AKNA: variants seen among roughly 807,000 people sequenced by gnomAD.
The protein encoded by AKNA is microtubule organization protein AKNA.
AKNA carries 67 observed loss-of-function variants against 138.8 expected under a neutral mutation model. That is an observed-to-expected ratio of 0.48 (90% CI 0.40 to 0.59). The LOEUF (loss-of-function observed/expected upper bound fraction) is 0.59, where lower values mean the gene tolerates loss of function less well. AKNA is among the 20% of genes least tolerant of loss of function. The pLI is 0.00. For missense variants in AKNA, 1,813 were observed against 1,880.4 expected, an observed-to-expected ratio of 0.96 and a Z score of 0.66; for synonymous variants, 737 against 754.4, an observed-to-expected ratio of 0.98 and a Z score of 0.38.
At position 114,377,173 on chromosome 9, in the gene AKNA, T is replaced by C. The variant is rs749738624; in HGVS notation, c.634A>G (p.Ser212Gly). 1 of 1,614,168 alleles carries C rather than the reference T, an allele frequency of 6.2e-7. No homozygotes were observed. The highest frequency in any genetic ancestry group is 8.5e-7 in the Non-Finnish European group (1 of 1,180,014). The change falls in exon 3 of 22, where the codon AGT becomes GGT. Residue 212 changes from serine (S) to glycine (G), a missense_variant. Coordinates refer to ENST00000374088, the MANE Select transcript of AKNA (RefSeq NM_001317950.2). The stretch of plus-strand genomic sequence containing the variant: ...TCCCAGGTAGAATCAAGGCTGTCAC[T>C]AGGGTGGTCGAGGCTCACTGTCCCA... ...SSGTVSLDHP[S>G]DSLDSTWEGE...
At chr9:114,386,881 G>A (rs1266939220) in intron 1 of AKNA, among the ~76,000 whole-genome samples, 2 of 151,906 alleles carry the variant, frequency 1.3e-5, no homozygotes, top group South Asian at 2.1e-4. Flanking sequence ...GCACAGCTAC[G>A]CAGCCCGCAC....
At chr9:114,352,571 TG>T (rs894123029) in intron 14 of AKNA, among the ~76,000 whole-genome samples, 16 of 151,278 alleles carry the variant, frequency 1.1e-4, no homozygotes, top group African/African-American at 3.9e-4. Flanking sequence ...CATACCAGCC[TG>T]GGGGACAGAG....
chr9:114,341,164 AT>A (rs1830316748), intron 21 of AKNA, among the ~76,000 whole-genome samples: 2 of 152,232 alleles, frequency 1.3e-5, no homozygotes, highest in Non-Finnish European at 1.5e-5. Context: ...AATAAAGTCT[AT>A]TAAAAAAAAC....
At chr9:114,340,307 G>C (rs1032820935) in intron 21 of AKNA, among the ~76,000 whole-genome samples, 1 of 152,140 alleles carries the variant, frequency 6.6e-6, no homozygotes, top group Non-Finnish European at 1.5e-5. Flanking sequence ...TTCACAGCAG[G>C]GGAAGCAGGC....
In AKNA at chr9:114,381,195, A is replaced by G; in HGVS notation, c.139T>C (p.Phe47Leu). The G allele has an allele frequency of 6.2e-7, 1 of 1,614,172 alleles. No individual in the cohort carries two copies. The highest frequency in any genetic ancestry group is 8.5e-7 in the Non-Finnish European group (1 of 1,180,010). ...SSQSWEEERL[F>L]PNATSPELLE... ...AGCTCGGGGCTGGTGGCATTGGGAA[A>G]GAGTCTCTCTTCTTCCCAGCTTTGT... The change falls in exon 2 of 22, where the codon TTT becomes CTT. Residue 47 changes from phenylalanine (F) to leucine (L), a missense_variant. Physicochemically the swap from Phe to Leu is conservative, Grantham distance 22 (BLOSUM62 0). Transcript: ENST00000374088.
intron 18 of AKNA, chr9:114,344,340 C>G (rs1404933405): frequency 6.5e-6 from 1 of 154,754 alleles, no homozygotes; most frequent in Admixed American, 6.3e-5. Context: ...TGAACGGGGC[C>G]GTATCCGTGT....
intron 14 of AKNA, among the ~76,000 whole-genome samples, chr9:114,354,070 C>G (rs1035830019): frequency 6.6e-6 from 1 of 152,170 alleles, no homozygotes; most frequent in Non-Finnish European, 1.5e-5. Flanking sequence ...ACTTTATAAG[C>G]TTTTTAAATG....
chr9:114,368,632 G>C (rs1257630023), intron 4 of AKNA, 37 bp from the exon 5 acceptor site: 1 of 1,335,836 alleles, frequency 7.5e-7, no homozygotes, highest in African/African-American at 1.5e-5. Context: ...GCCAAGTCAG[G>C]GTAGGGGCAA....
rs905393286 is a variant in AKNA at position 114,364,599 on chromosome 9, C to T, written c.1749G>A (p.Leu583=). ...FLAKVESFER[L]IQAGRLMPQD... ...GGGGCATGAGACGTCCTGCCTGTAT[C>T]AGTCTTTCAAAGGACTCCACCTGGA... Residue 583 remains leucine (L), a synonymous_variant, in exon 7 of 22, where the codon CTG becomes CTA. Coordinates refer to ENST00000374088, the MANE Select transcript of AKNA (RefSeq NM_001317950.2). 1.2e-6 allele frequency: 2 copies of T among 1,613,860 alleles called. No homozygotes were observed. Among genetic ancestry groups the T allele is most frequent in the South Asian group, 2.2e-5 (2 of 91,070 alleles).
intron 3 of AKNA, among the ~76,000 whole-genome samples, chr9:114,375,509 T>A (rs549439966): frequency 4.0e-4 from 61 of 152,310 alleles, no homozygotes; most frequent in African/African-American, 1.4e-3. Flanking sequence ...AATGCGGGTG[T>A]GATATTTGTT....
chr9:114,398,098 C>A (rs1343097140), upstream of AKNA, among the ~76,000 whole-genome samples: 1 of 151,912 alleles, frequency 6.6e-6, no homozygotes, highest in Non-Finnish European at 1.5e-5. This position sits in a 1 kb window ranked among gnomAD's most constrained non-coding sequence, Gnocchi z 4.2. Context: ...CTCCCTGCCA[C>A]CAGCCCCAGC....
At chr9:114,349,005 A>T in intron 15 of AKNA, 1 of 455,658 alleles carries the variant, frequency 2.2e-6, no homozygotes, top group Non-Finnish European at 4.4e-6. Context: ...CCCAGCGCTG[A>T]GTGTGTGTGT....
chr9:114,346,103 G>A, intron 17 of AKNA, 94 bp from the exon 18 acceptor site: 3 of 1,306,532 alleles, frequency 2.3e-6, no homozygotes, highest in Non-Finnish European at 3.2e-6. Context: ...CTCTGGGGTG[G>A]ATGCCTGGGT....
intron 14 of AKNA, among the ~76,000 whole-genome samples, chr9:114,355,184 T>A (rs1831404208): frequency 6.7e-6 from 1 of 148,800 alleles, no homozygotes. Context: ...GTACTTTTTT[T>A]TTTTTTTTTG....
In AKNA at chr9:114,337,309, G is replaced by A; in HGVS notation, c.4068-3C>T. ...TAGGTCCTGCAGGCGCATAGTACCT[G>A]AGGAGAGAAGTGAGTGGGCTCGTTA... On this transcript the variant is annotated splice_polypyrimidine_tract_variant and splice_region_variant and intron_variant, in intron 21 of 21. Transcript: ENST00000374088. The A allele has an allele frequency of 6.9e-7, 1 of 1,452,036 alleles. No homozygotes were observed. Among genetic ancestry groups the A allele is most frequent in the Non-Finnish European group, 9.2e-7 (1 of 1,090,192 alleles). 89.9% of individuals were successfully genotyped at this position (1,452,036 alleles called of 1,614,324 possible).
chr9:114,367,837 G>C (rs763231374), intron 5 of AKNA, 140 bp from the exon 6 acceptor site: 2 of 956,956 alleles, frequency 2.1e-6, no homozygotes, highest in East Asian at 2.9e-5. Flanking sequence ...ATCAGCCCCA[G>C]GAAGTGGGCT....
In AKNA at chr9:114,336,936, G is replaced by A. The variant is rs1014265419; in HGVS notation, c.*118C>T. 2.9e-5 allele frequency: 37 copies of A among 1,292,516 alleles called. No homozygotes were observed. The highest frequency in any genetic ancestry group is 3.8e-5 in the Non-Finnish European group (37 of 978,422). The allele number at this position is 1,292,516 out of a possible 1,614,324, so 80.1% of individuals were successfully genotyped here. ...GCAGGCGGGACCTGTGCTGGAGGGA[G>A]ACCCTCCTGGTGAGGAACTATGCGG... On this transcript the variant is annotated 3_prime_UTR_variant, in exon 22 of 22. Coordinates refer to ENST00000374088, the MANE Select transcript of AKNA (RefSeq NM_001317950.2).
chr9:114,361,821 G>A lies in AKNA; in HGVS notation c.2007C>T (p.Pro669=), dbSNP rs145136346. ...IDQTQQEPEP[P]GSDSALDSTP... ...TGCTGTCCAGAGCTGAGTCTGACCC[G>A]GGCGGCTCAGGCTCTTGCTGGGTCT... is the stretch of plus-strand genomic sequence containing the variant. Residue 669 remains proline (P), a synonymous_variant, in exon 9 of 22, where the codon CCC becomes CCT. Transcript: ENST00000374088. 2.4e-3 allele frequency: 3,928 copies of A among 1,613,370 alleles called. 9 individuals carry two copies. Among genetic ancestry groups the A allele is most frequent in the South Asian group, 3.8e-3 (344 of 91,070 alleles).
intron 9 of AKNA, among the ~76,000 whole-genome samples, chr9:114,360,823 G>C (rs185117939): frequency 6.6e-4 from 100 of 152,320 alleles, no homozygotes; most frequent in African/African-American, 2.2e-3. Context: ...GCAAAACGGA[G>C]ATAGTGATTG....
Sources: gnomAD v4.1 joint callset for allele counts (sites outside exome capture counted in the v4.1 genomes callset) on GRCh38, gnomAD v4.1.1 for gene constraint, Gnocchi (gnomAD v3.1) non-coding constraint, MANE v1.5 for transcripts, NCBI Gene and HGNC (gene_info 2026-07-23, HGNC 2026-07-21) for gene names.